Variants in PRC1 observed in about 807,000 individuals in gnomAD.
PRC1 encodes the protein anaphase spindle elongation 1 homolog.
A neutral mutation model predicts 91.2 loss-of-function variants in PRC1; 54 were observed. That is an observed-to-expected ratio of 0.59 (90% CI 0.48 to 0.74). The LOEUF is 0.74. PRC1 is among the 30% of genes least tolerant of loss of function. The probability of loss-of-function intolerance (pLI) is 0.00; values close to 1 mark genes in which losing one functional copy is unlikely to be tolerated. For synonymous variants in PRC1, 275 were observed against 263.6 expected, an observed-to-expected ratio of 1.04 and a Z score of -0.42; for missense variants, 727 against 746.2, an observed-to-expected ratio of 0.97 and a Z score of 0.30.
At position 90,976,442 on chromosome 15, in the gene PRC1, G is replaced by A. The variant is rs149215019; in HGVS notation, c.1203+234C>T. Among the ~76,000 whole-genome samples the A allele has an allele frequency of 3.9e-4, 60 of 152,018 alleles. 1 individual carries two copies. Among genetic ancestry groups the A allele is most frequent in the Admixed American group, 1.6e-3 (24 of 15,282 alleles). ...GATATGCCTGCCTAGGCCTCCCAAA[G>A]TGCTGGGATTACAGGCGTGAGCCAC... On this transcript the variant is annotated intron_variant, in intron 9 of 14. Coordinates refer to ENST00000394249, the MANE Select transcript of PRC1 (RefSeq NM_003981.4).
At chr15:90,981,345 A>G (rs2039178997) in intron 5 of PRC1, 154 bp downstream of exon 5, 1 of 888,110 alleles carries the variant, frequency 1.1e-6, no homozygotes, top group Admixed American at 3.0e-5. Context: ...TTAAACAAAA[A>G]TCAAGGTTGT....
intron 14 of PRC1, chr15:90,968,804 A>C: frequency 8.0e-7 from 1 of 1,246,390 alleles, no homozygotes; most frequent in Non-Finnish European, 1.0e-6. Flanking sequence ...CTTTGATGTC[A>C]CAATTGGGGA....
chr15:90,994,315 C>T, intron 1 of PRC1, 92 bp downstream of exon 1: 4 of 1,588,690 alleles, frequency 2.5e-6, no homozygotes, highest in Non-Finnish European at 3.4e-6. Context: ...AGGCCCGGGA[C>T]CCCGCACGGG....
At chr15:90,980,588 G>A (rs2039113895) in intron 6 of PRC1, 199 bp from the exon 7 acceptor site, 4 of 689,542 alleles carry the variant, frequency 5.8e-6, no homozygotes, top group South Asian at 4.0e-5. Context: ...GCGCGATTCT[G>A]GCTCACTGCA....
At chr15:90,978,379 T>C (rs1282320774) in intron 8 of PRC1, among the ~76,000 whole-genome samples, 1 of 152,104 alleles carries the variant, frequency 6.6e-6, no homozygotes, top group African/African-American at 2.4e-5. Flanking sequence ...GCCACGGTGC[T>C]GTGAAGAGAG....
At chr15:90,972,239 C>T (rs1042032376) in intron 11 of PRC1, among the ~76,000 whole-genome samples, 8 of 146,574 alleles carry the variant, frequency 5.5e-5, no homozygotes, top group African/African-American at 1.0e-4. Context: ...CAAAATTAGC[C>T]GGGTATGGTG....
chr15:90,980,715 A>G (rs1033526483), intron 6 of PRC1, among the ~76,000 whole-genome samples, 169 bp downstream of exon 6: 5 of 151,984 alleles, frequency 3.3e-5, no homozygotes, highest in Non-Finnish European at 7.4e-5. Flanking sequence ...CATGTTGTCC[A>G]GGCTGGTCTC....
Position 90,984,017 on chromosome 15 carries a change from C to T in PRC1, c.267+1G>A. 1 of 1,613,940 alleles carries T rather than the reference C, an allele frequency of 6.2e-7. No individual in the cohort carries two copies. Among genetic ancestry groups the T allele is most frequent in the Admixed American group, 1.7e-5 (1 of 60,008 alleles). On this transcript the variant is annotated splice_donor_variant, in intron 3 of 14. Transcript: ENST00000394249. LOFTEE classifies it high-confidence loss of function. The surrounding 1 kb of genome is among the most constrained non-coding windows in gnomAD (Gnocchi z 5.1). Reference sequence around the variant, plus strand: ...CAGAGACCCTGTGGGCTGCCACGGACCTGAAATGGCTCAACATGTAACTCG... The same window carrying T: ...CAGAGACCCTGTGGGCTGCCACGGATCTGAAATGGCTCAACATGTAACTCG...
rs551681845 is a variant in PRC1, at chr15:90,968,348, A to C, written c.1791+731T>G. Reference sequence around the variant, plus strand: ...TCAAAACTAGCTGCAGCCTTGGCCAACTGTTCCATTCTCTATCCCTGCAGC... The same window carrying C: ...TCAAAACTAGCTGCAGCCTTGGCCACCTGTTCCATTCTCTATCCCTGCAGC... On this transcript the variant is annotated intron_variant, in intron 14 of 14. Transcript: ENST00000394249. 3 of 985,490 alleles carry C rather than the reference A, an allele frequency of 3.0e-6. No individual in the cohort carries two copies. The South Asian group carries it at 1.4e-4, about 46-fold the overall frequency. 61.0% of individuals were successfully genotyped at this position (985,490 alleles called of 1,614,324 possible).
Position 90,974,663 on chromosome 15 carries a change from A to G in PRC1, c.1272T>C (p.Asn424=), listed in dbSNP as rs775473239. The G allele has an allele frequency of 8.7e-6, 14 of 1,614,178 alleles. No individual in the cohort carries two copies. The South Asian group carries it at 1.2e-4, about 14-fold the overall frequency. Reference sequence around the variant, plus strand: ...CCACATACTCCATGAATTTCTGCCCATTCACCATAAATGCCTTTGAATGTT... The same window carrying G: ...CCACATACTCCATGAATTTCTGCCCGTTCACCATAAATGCCTTTGAATGTT... ...EQEHSKAFMV[N]GQKFMEYVAE... Residue 424 remains asparagine, a synonymous_variant, in exon 10 of 15, where the codon AAT becomes AAC. Transcript: ENST00000394249. The surrounding 1 kb of genome is among the most constrained non-coding windows in gnomAD (Gnocchi z 4.6).
In PRC1 at chr15:90,980,342, CA is replaced by C; in HGVS notation, c.869del (p.Met290ArgfsTer4). On this transcript the variant is annotated frameshift_variant, in exon 7 of 15. Coordinates refer to ENST00000394249, the MANE Select transcript of PRC1 (RefSeq NM_003981.4). LOFTEE classifies it high-confidence loss of function. Reference protein sequence around the residue: ...DRLEELKMQNMKKVIEAIRVE... With the variant: ...DRLEELKMQNXKKVIEAIRVE... ...CTCGAATTGCCTCAATCACTTTCTTCATGTTTTGCATTTTCAGTTCTTCCAA... is the reference window on the plus strand; with the variant it reads ...CTCGAATTGCCTCAATCACTTTCTTCTGTTTTGCATTTTCAGTTCTTCCAA... The C allele has an allele frequency of 8.1e-6, 13 of 1,614,138 alleles. No homozygotes were observed. Among genetic ancestry groups the C allele is most frequent in the Non-Finnish European group, 1.1e-5 (13 of 1,180,030 alleles).
In PRC1 at chr15:90,966,641, G is replaced by C. The variant is rs1341814801; in HGVS notation, c.*490C>G. ...GGACACACAAAGACATTCTCTTCAG[G>C]AGGAAGGCTGTCCTGTGTGGTGGGG... On this transcript the variant is annotated 3_prime_UTR_variant, in exon 15 of 15. Coordinates refer to ENST00000394249, the MANE Select transcript of PRC1 (RefSeq NM_003981.4). The C allele has an allele frequency of 4.4e-6, 2 of 456,232 alleles. No homozygotes were observed. Among genetic ancestry groups the C allele is most frequent in the Admixed American group, 4.7e-5 (2 of 42,586 alleles). 28.3% of individuals were successfully genotyped at this position (456,232 alleles called of 1,614,324 possible).
At position 90,980,946 on chromosome 15, in the gene PRC1, C is replaced by T; in HGVS notation, c.760G>A (p.Glu254Lys). 1 of 1,614,208 alleles carries T rather than the reference C, an allele frequency of 6.2e-7. No homozygotes were observed. The highest frequency in any genetic ancestry group is 8.5e-7 in the Non-Finnish European group (1 of 1,180,038). ...RELWDRLQIP[E>K]EEREAVATIM... ...GTGGCCACAGCTTCTCTTTCTTCTT[C>T]AGGTATTTGCAACCTGTCCCAGAGC... The change falls in exon 6 of 15, where the codon GAA becomes AAA. Residue 254 changes from glutamate to lysine, a missense_variant. Coordinates refer to ENST00000394249, the MANE Select transcript of PRC1 (RefSeq NM_003981.4).
Position 90,984,080 on chromosome 15 carries a change from T to C in PRC1, c.205A>G (p.Ile69Val). The C allele has an allele frequency of 6.2e-7, 1 of 1,614,172 alleles. No homozygotes were observed. The highest frequency in any genetic ancestry group is 8.5e-7 in the Non-Finnish European group (1 of 1,180,016). Residue 69 changes from isoleucine to valine, a missense_variant, in exon 3 of 15, where the codon ATA becomes GTA. Ile to Val is a conservative substitution (Grantham distance 29). Coordinates refer to ENST00000394249, the MANE Select transcript of PRC1 (RefSeq NM_003981.4). The surrounding 1 kb of genome is among the most constrained non-coding windows in gnomAD (Gnocchi z 5.1). ...TTCAGCTCTTTCTGACAGACGGATA[T>C]GCTTTTGATGAGTCTTTCCTTCAGG... is the stretch of plus-strand genomic sequence containing the variant. The part of the protein sequence containing the change: ...ESLKERLIKS[I>V]SVCQKELNTL...
chr15:90,971,036 AAAG>A (rs554830825), intron 11 of PRC1, among the ~76,000 whole-genome samples: 172 of 152,346 alleles, frequency 1.1e-3, no homozygotes, highest in African/African-American at 3.7e-3. Context: ...GCCAGACAAA[AAAG>A]AATATGTACT....
chr15:90,976,864 C>T, intron 8 of PRC1, 93 bp from the exon 9 acceptor site: 2 of 1,072,618 alleles, frequency 1.9e-6, no homozygotes, highest in Non-Finnish European at 2.8e-6. Flanking sequence ...GGCGTGGTGA[C>T]TCACACCTGT....
chr15:90,979,859 G>A (rs2039041538), intron 7 of PRC1, among the ~76,000 whole-genome samples: 1 of 152,170 alleles, frequency 6.6e-6, no homozygotes, highest in Admixed American at 6.5e-5. Context: ...ACTGCACCTG[G>A]CAAAAAGTAA....
At position 90,981,792 on chromosome 15, in the gene PRC1, G is replaced by A; in HGVS notation, c.457C>T (p.Leu153=). Residue 153 remains leucine, a synonymous_variant, in exon 4 of 15, where the codon CTG becomes TTG. Coordinates refer to ENST00000394249, the MANE Select transcript of PRC1 (RefSeq NM_003981.4). ...GTCACATGTTGCCTGAACTGGTTCA[G>A]CTCTTCTAAGCTGGGCACTGAGGCA... is the stretch of plus-strand genomic sequence containing the variant. The part of the protein sequence containing the change: ...DSASVPSLEE[L]NQFRQHVTTL... 1 of 1,614,048 alleles carries A rather than the reference G, an allele frequency of 6.2e-7. No homozygotes were observed. The highest frequency in any genetic ancestry group is 8.5e-7 in the Non-Finnish European group (1 of 1,179,932).
At chr15:90,977,774 G>C (rs1233521164) in intron 8 of PRC1, among the ~76,000 whole-genome samples, 1 of 151,812 alleles carries the variant, frequency 6.6e-6, no homozygotes, top group African/African-American at 2.4e-5. Context: ...TTTTAGTAGA[G>C]ACGGGGTTTC....
Sources: allele counts gnomAD v4.1 joint callset (sites outside exome capture counted in the v4.1 genomes callset), GRCh38; gene constraint gnomAD v4.1.1; non-coding constraint Gnocchi (gnomAD v3.1); transcripts MANE v1.5; gene names NCBI Gene and HGNC (gene_info 2026-07-23, HGNC 2026-07-21).